The following LRRC8C variants were observed in gnomAD, a reference collection of about 807,000 sequenced individuals.
The protein encoded by LRRC8C is volume-regulated anion channel subunit LRRC8C.
A neutral mutation model predicts 55.3 loss-of-function variants in LRRC8C; 20 were observed. That is an observed-to-expected ratio of 0.36 (90% CI 0.25 to 0.53). The LOEUF is 0.53. Among genes scored for constraint, LRRC8C ranks in the 20% least tolerant of loss-of-function variants. The pLI, the probability that LRRC8C is intolerant of heterozygous loss-of-function variation, is 0.92. For missense variants in LRRC8C, 659 were observed against 951.4 expected (o/e 0.69, Z 4.04); for synonymous variants, 376 against 360.7 (o/e 1.04, Z -0.48).
chr1:89,638,485 G>GC (rs34545030), intron 1 of LRRC8C, among the ~76,000 whole-genome samples: 84,598 of 151,756 alleles, frequency 0.56, 23,988 homozygotes, highest in East Asian at 0.79. Context: ...ATTGTCCCCC[G>GC]CTTGAGAACA....
In LRRC8C at chr1:89,687,527, G is replaced by A. The variant is rs1392925643; in HGVS notation, c.138+916G>A. On this transcript the variant is annotated intron_variant, in intron 2 of 2. Transcript: ENST00000370454. ...CCATGCTTGCAAATGGACTCATCCA[G>A]GGAGAATGTGATGAGGAAGATAGTG... Among the ~76,000 whole-genome samples, 4 of 152,178 alleles carry A rather than the reference G, an allele frequency of 2.6e-5. No individual in the cohort carries two copies. The East Asian group carries it at 7.7e-4, about 29-fold the overall frequency.
intron 1 of LRRC8C, among the ~76,000 whole-genome samples, chr1:89,652,738 T>C (rs986278409): frequency 6.6e-6 from 1 of 152,106 alleles, no homozygotes; most frequent in Non-Finnish European, 1.5e-5. Context: ...ACTTACTCTA[T>C]GACAGAAGGA....
chr1:89,663,582 A>C (rs1241798371), intron 1 of LRRC8C, among the ~76,000 whole-genome samples: 1 of 152,058 alleles, frequency 6.6e-6, no homozygotes, highest in African/African-American at 2.4e-5. Context: ...AAAAAAAAAA[A>C]AAAATACATG....
At chr1:89,687,726 A>G (rs10922700) in intron 2 of LRRC8C, among the ~76,000 whole-genome samples, 13,780 of 152,212 alleles carry the variant, frequency 0.091, 853 homozygotes, top group East Asian at 0.24. Context: ...TAAGAAGAGG[A>G]AAGTAGCAAC....
chr1:89,709,246 C>T (rs1658576744), intron 2 of LRRC8C, among the ~76,000 whole-genome samples: 1 of 152,210 alleles, frequency 6.6e-6, no homozygotes. Context: ...GGTTTAAATT[C>T]CTGTTCTGCC....
intron 2 of LRRC8C, among the ~76,000 whole-genome samples, chr1:89,710,067 CATTAACAATATCGT>C (rs983871703): frequency 1.3e-5 from 2 of 152,110 alleles, no homozygotes; most frequent in African/African-American, 4.8e-5. Flanking sequence ...TTCATCATAT[CATTAACAATATCGT>C]ATTAACAATA....
At chr1:89,682,974 A>G (rs1479262413) in intron 1 of LRRC8C, among the ~76,000 whole-genome samples, 1 of 152,238 alleles carries the variant, frequency 6.6e-6, no homozygotes, top group East Asian at 1.9e-4. Flanking sequence ...TATCCTCAAA[A>G]TGAATGAAGT....
rs1238710510 is a variant in LRRC8C at position 89,714,664 on chromosome 1, C to G, written c.2094C>G (p.Ile698Met). 1 of 1,613,984 alleles carries G rather than the reference C, an allele frequency of 6.2e-7. No homozygotes were observed. The highest frequency in any genetic ancestry group is 8.5e-7 in the Non-Finnish European group (1 of 1,179,992). Reference protein sequence around the residue: ...LDLSYNDIRFIPPEIGVLQSL... With the variant: ...LDLSYNDIRFMPPEIGVLQSL... ...TATCGTACAATGACATTCGATTTAT[C>G]CCCCCTGAAATTGGAGTTCTACAAA... Residue 698 changes from isoleucine (I) to methionine (M), a missense_variant, in exon 3 of 3, where the codon ATC becomes ATG. Transcript: ENST00000370454. The surrounding 1 kb of genome is among the most constrained non-coding windows in gnomAD (Gnocchi z 4.6).
rs1009809818 is a variant in LRRC8C, at chr1:89,669,377, A to G, written c.-4-17093A>G. Among the ~76,000 whole-genome samples, 22 of 152,294 alleles carry G rather than the reference A, an allele frequency of 1.4e-4. 2 individuals are homozygous for G. Among genetic ancestry groups the G allele is most frequent in the Admixed American group, 9.2e-4 (14 of 15,294 alleles). On this transcript the variant is annotated intron_variant, in intron 1 of 2. Coordinates refer to ENST00000370454, the MANE Select transcript of LRRC8C (RefSeq NM_032270.5). ...AGATCTGCTGTACAACATTGTACCTATAGTTACCCAAACTGTATGGTATGC... is the reference window on the plus strand; with the variant it reads ...AGATCTGCTGTACAACATTGTACCTGTAGTTACCCAAACTGTATGGTATGC...
At chr1:89,704,573 A>G (rs1658419147) in intron 2 of LRRC8C, among the ~76,000 whole-genome samples, 1 of 152,118 alleles carries the variant, frequency 6.6e-6, no homozygotes, top group African/African-American at 2.4e-5. Flanking sequence ...TATACACCAA[A>G]CTTATCAGGG....
the LRRC8C span, among the ~76,000 whole-genome samples, chr1:89,623,766 T>C: frequency 2.6e-5 from 4 of 151,772 alleles, no homozygotes; most frequent in Non-Finnish European, 5.9e-5. Context: ...AAAGCATTCA[T>C]AGGAGAGAAT....
At chr1:89,685,160 G>A (rs1014540324) in intron 1 of LRRC8C, among the ~76,000 whole-genome samples, 4 of 138,820 alleles carry the variant, frequency 2.9e-5, no homozygotes, top group South Asian at 4.7e-4. Flanking sequence ...CCAGCAGGCC[G>A]GACTGCGGAC....
chr1:89,659,048 G>GTTTTTTTT (rs771955175), intron 1 of LRRC8C, among the ~76,000 whole-genome samples: 3 of 26,220 alleles, frequency 1.1e-4, no homozygotes, highest in South Asian at 1.5e-3. Flanking sequence ...TCTTCTCCAG[G>GTTTTTTTT]TTTTTTTTTT....
At position 89,662,855 on chromosome 1, in the gene LRRC8C, G is replaced by T. The variant is rs151079943; in HGVS notation, c.-4-23615G>T. Among the ~76,000 whole-genome samples, 569 of 152,070 alleles carry T rather than the reference G, an allele frequency of 3.7e-3. 4 individuals are homozygous for T. The highest frequency in any genetic ancestry group is 0.012 in the African/African-American group (500 of 41,458). On this transcript the variant is annotated intron_variant, in intron 1 of 2. Transcript: ENST00000370454. ...TTAATTATTATACTTTAAGTTCTGG[G>T]ATACGTGTGCAGAACCTGCAGGTTT... is the stretch of plus-strand genomic sequence containing the variant.
chr1:89,657,739 CAAAAA>C (rs138148934), intron 1 of LRRC8C, among the ~76,000 whole-genome samples: 14 of 98,836 alleles, frequency 1.4e-4, no homozygotes, highest in Admixed American at 2.1e-4. Flanking sequence ...GACTCTGTAT[CAAAAA>C]AAAAAAAAAA....
At chr1:89,703,973 A>T (rs1658402286) in intron 2 of LRRC8C, among the ~76,000 whole-genome samples, 2 of 152,140 alleles carry the variant, frequency 1.3e-5, no homozygotes, top group East Asian at 3.8e-4. Flanking sequence ...TATAAGAGTA[A>T]AAATAGAGAT....
chr1:89,715,148 C>T lies in LRRC8C; in HGVS notation c.*166C>T, dbSNP rs60776336. ...TAATAAAAATTTAATTGTATTTTTTCAATATTAATATTTTGAAGTTTTATT... is the reference window on the plus strand; with the variant it reads ...TAATAAAAATTTAATTGTATTTTTTTAATATTAATATTTTGAAGTTTTATT... On this transcript the variant is annotated 3_prime_UTR_variant, in exon 3 of 3. Coordinates refer to ENST00000370454, the MANE Select transcript of LRRC8C (RefSeq NM_032270.5). 175 of 411,902 alleles carry T rather than the reference C, an allele frequency of 4.2e-4. No homozygotes were observed. The East Asian group carries it at 6.4e-3, about 15-fold the overall frequency. The allele number at this position is 411,902 out of a possible 1,614,324, so 25.5% of individuals were successfully genotyped here.
chr1:89,639,898 C>T lies in LRRC8C; in HGVS notation c.-5+6576C>T, dbSNP rs146207622. 1.0e-3 allele frequency among the ~76,000 whole-genome samples: 155 copies of T among 152,162 alleles called. 2 individuals are homozygous for T. In the East Asian group the frequency reaches 0.029, roughly 28 times the overall value. On this transcript the variant is annotated intron_variant, in intron 1 of 2. Coordinates refer to ENST00000370454, the MANE Select transcript of LRRC8C (RefSeq NM_032270.5). Reference sequence around the variant, plus strand: ...ACTTCTTAATAGGGACATTAAGAGACATGTAAATATTTCTATATGTGATTG... The same window carrying T: ...ACTTCTTAATAGGGACATTAAGAGATATGTAAATATTTCTATATGTGATTG...
intron 1 of LRRC8C, chr1:89,668,229 A>T (rs1052987690): frequency 1.3e-5 from 2 of 152,574 alleles, no homozygotes; most frequent in Non-Finnish European, 2.9e-5. Context: ...TCACATACAG[A>T]TCCCCCTAAA....
Sources: gnomAD v4.1 joint callset for allele counts (sites outside exome capture counted in the v4.1 genomes callset) on GRCh38, gnomAD v4.1.1 for gene constraint, Gnocchi (gnomAD v3.1) non-coding constraint, MANE v1.5 for transcripts, NCBI Gene and HGNC (gene_info 2026-07-23, HGNC 2026-07-21) for gene names.